Variants in RNF150 observed in about 807,000 individuals in gnomAD.
RNF150 encodes the protein ring finger protein 150.
A neutral mutation model predicts 39.3 loss-of-function variants in RNF150; 24 were observed. That is an observed-to-expected ratio of 0.61 (90% CI 0.44 to 0.86). The LOEUF (loss-of-function observed/expected upper bound fraction) is 0.86, where lower values mean the gene tolerates loss of function less well. Among genes scored for constraint, RNF150 ranks in the 40% least tolerant of loss-of-function variants. The pLI, the probability that RNF150 is intolerant of heterozygous loss-of-function variation, is 0.00. For synonymous variants in RNF150, 255 were observed against 227.3 expected, an observed-to-expected ratio of 1.12 and a Z score of -1.10; for missense variants, 502 against 587.8, an observed-to-expected ratio of 0.85 and a Z score of 1.51.
intron 1 of RNF150, among the ~76,000 whole-genome samples, chr4:141,010,935 G>C (rs1034528363): frequency 6.6e-6 from 1 of 152,062 alleles, no homozygotes; most frequent in Non-Finnish European, 1.5e-5. Flanking sequence ...CAAAGCGCAG[G>C]CTCCCTCTTG....
intron 1 of RNF150, among the ~76,000 whole-genome samples, chr4:141,189,655 G>T (rs1728071020): frequency 6.6e-6 from 1 of 152,140 alleles, no homozygotes; most frequent in South Asian, 2.1e-4. Context: ...CACTGTGGTG[G>T]GTTCCAGCCA....
intron 1 of RNF150, among the ~76,000 whole-genome samples, chr4:141,024,512 C>T (rs1171837003): frequency 1.3e-5 from 2 of 152,012 alleles, no homozygotes; most frequent in African/African-American, 4.8e-5. Context: ...ATCAAATTAT[C>T]GCTGGTTAAA....
intron 1 of RNF150, among the ~76,000 whole-genome samples, chr4:141,106,325 C>T (rs1739194183): frequency 6.6e-6 from 1 of 152,182 alleles, no homozygotes; most frequent in Non-Finnish European, 1.5e-5. Flanking sequence ...GGATTTCACA[C>T]ACCTGGTACA....
intron 1 of RNF150, among the ~76,000 whole-genome samples, chr4:140,998,209 T>C (rs1179336190): frequency 6.6e-6 from 1 of 152,226 alleles, no homozygotes; most frequent in African/African-American, 2.4e-5. Context: ...GACCATATTG[T>C]GTTCCCCAAA....
chr4:141,132,615 GCGC>G lies in RNF150; in HGVS notation c.191_193del (p.Gly64del). Reference sequence around the variant, plus strand: ...CTCCGTCTTCTCCGTGTGCAGCTCCGCGCCGCCGCCGCCCGCCGCCCCGGCCCC... The same window carrying G: ...CTCCGTCTTCTCCGTGTGCAGCTCCGCGCCGCCGCCCGCCGCCCCGGCCCC... On this transcript the variant is annotated inframe_deletion, in exon 1 of 7. Coordinates refer to ENST00000515673, the MANE Select transcript of RNF150 (RefSeq NM_020724.2). This position sits in a 1 kb window ranked among gnomAD's most constrained non-coding sequence, Gnocchi z 4.9. 2.0e-6 allele frequency: 3 copies of G among 1,537,862 alleles called. No homozygotes were observed. The highest frequency in any genetic ancestry group is 2.4e-5 in the South Asian group (2 of 81,876).
intron 1 of RNF150, among the ~76,000 whole-genome samples, chr4:141,034,862 T>C (rs1277414774): frequency 6.6e-6 from 1 of 152,160 alleles, no homozygotes. Flanking sequence ...CCAAGATCAC[T>C]GAACTCAGAT....
intron 1 of RNF150, among the ~76,000 whole-genome samples, chr4:141,194,297 A>C (rs1340573998): frequency 6.6e-6 from 1 of 152,224 alleles, no homozygotes; most frequent in African/African-American, 2.4e-5. Context: ...GGGAAAATTA[A>C]TTTTTACTAA....
At chr4:141,030,623 A>G (rs901689861) in intron 1 of RNF150, among the ~76,000 whole-genome samples, 15 of 152,232 alleles carry the variant, frequency 9.9e-5, no homozygotes, top group African/African-American at 2.4e-5. Flanking sequence ...CACAGCCTTA[A>G]AAATGAAGGA....
At chr4:141,137,274 G>A (rs1727041797), upstream of RNF150, among the ~76,000 whole-genome samples, 4 of 152,208 alleles carry the variant, frequency 2.6e-5, no homozygotes, top group African/African-American at 9.7e-5. Context: ...GTGGTCTGTT[G>A]TGTTTTAAAA....
intron 1 of RNF150, among the ~76,000 whole-genome samples, chr4:141,091,639 G>A (rs1738585339): frequency 6.6e-6 from 1 of 152,160 alleles, no homozygotes; most frequent in Admixed American, 6.5e-5. Context: ...ACAGGAGGGG[G>A]ATCAAGTGTT....
intron 1 of RNF150, among the ~76,000 whole-genome samples, chr4:141,027,845 T>C (rs146527611): frequency 4.2e-4 from 63 of 150,808 alleles, no homozygotes; most frequent in African/African-American, 1.3e-3. Flanking sequence ...GGATTTAACA[T>C]TGATTTTCAA....
At chr4:140,879,930 G>C (rs952862000) in intron 6 of RNF150, among the ~76,000 whole-genome samples, 1 of 152,158 alleles carries the variant, frequency 6.6e-6, no homozygotes. Context: ...ATAAGATCAT[G>C]TCATTTTGTG....
chr4:141,058,307 G>T (rs763069964), intron 1 of RNF150, among the ~76,000 whole-genome samples: 14 of 152,032 alleles, frequency 9.2e-5, no homozygotes, highest in Non-Finnish European at 1.8e-4. Flanking sequence ...AGTGGGGAGG[G>T]TGAAGAAGAG....
intron 6 of RNF150, among the ~76,000 whole-genome samples, chr4:140,883,917 CA>C (rs1729468647): frequency 6.6e-6 from 1 of 152,092 alleles, no homozygotes; most frequent in African/African-American, 2.4e-5. Context: ...TCATGATGCA[CA>C]TATTTGTCCA....
rs145375967 is a variant in RNF150 at position 140,975,113 on chromosome 4, G to A, written c.485-7240C>T. On this transcript the variant is annotated intron_variant, in intron 1 of 6. Coordinates refer to ENST00000515673, the MANE Select transcript of RNF150 (RefSeq NM_020724.2). The stretch of plus-strand genomic sequence containing the variant: ...TCTACAAAAAATACGAAAATTAGCT[G>A]GGTGTGGTGGCATGCTCCTGTAGTT... Among the ~76,000 whole-genome samples, 295 of 152,150 alleles carry A rather than the reference G, an allele frequency of 1.9e-3. 1 individual carries two copies. Among genetic ancestry groups the A allele is most frequent in the African/African-American group, 6.9e-3 (286 of 41,512 alleles).
chr4:140,926,472 T>A (rs922396763), intron 4 of RNF150, among the ~76,000 whole-genome samples: 10 of 152,208 alleles, frequency 6.6e-5, no homozygotes, highest in Non-Finnish European at 1.2e-4. Flanking sequence ...CCACAGTCAG[T>A]AGAAAACTGC....
intron 5 of RNF150, among the ~76,000 whole-genome samples, chr4:140,921,175 T>TATAATAATAATA (rs58434636): frequency 2.6e-4 from 39 of 148,092 alleles, no homozygotes; most frequent in African/African-American, 9.7e-4. Context: ...AAACTTAAAG[T>TATAATAATAATA]ATAATAATAA....
chr4:141,078,319 A>G (rs1737980593), intron 1 of RNF150, among the ~76,000 whole-genome samples: 1 of 152,118 alleles, frequency 6.6e-6, no homozygotes, highest in African/African-American at 2.4e-5. Context: ...CCTCTTCTTA[A>G]AATCTCAGAA....
At chr4:141,004,834 T>C (rs541032827) in intron 1 of RNF150, among the ~76,000 whole-genome samples, 8 of 152,322 alleles carry the variant, frequency 5.3e-5, no homozygotes, top group African/African-American at 1.9e-4. Context: ...TTAACAAATA[T>C]CTACTCTGTA....
Sources: allele counts gnomAD v4.1 joint callset (sites outside exome capture counted in the v4.1 genomes callset), GRCh38; gene constraint gnomAD v4.1.1; non-coding constraint Gnocchi (gnomAD v3.1); transcripts MANE v1.5; gene names NCBI Gene and HGNC (gene_info 2026-07-23, HGNC 2026-07-21).